Variants in LOC122539214 observed in about 807,000 individuals in gnomAD.
the LOC122539214 span, among the ~76,000 whole-genome samples, chr19:52,673,900 C>T: frequency 2.7e-5 from 4 of 149,242 alleles, no homozygotes; most frequent in Non-Finnish European, 3.0e-5. Context: ...CCTGTAATCC[C>T]AGCTACTAGG....
the LOC122539214 span, among the ~76,000 whole-genome samples, chr19:52,669,730 T>G: frequency 6.6e-6 from 1 of 152,168 alleles, no homozygotes; most frequent in East Asian, 1.9e-4. Context: ...GTAGCCTCAA[T>G]TCTTACTTCC....
the LOC122539214 span, among the ~76,000 whole-genome samples, chr19:52,659,522 C>T: frequency 6.7e-6 from 1 of 150,058 alleles, no homozygotes; most frequent in Admixed American, 6.7e-5. Flanking sequence ...ATGTTTTATT[C>T]ATATGTGGTT....
chr19:52,670,145 T>G, the LOC122539214 span, among the ~76,000 whole-genome samples: 2 of 152,054 alleles, frequency 1.3e-5, no homozygotes, highest in South Asian at 4.2e-4. Flanking sequence ...TCTGATCACC[T>G]GCTCCACCCT....
chr19:52,652,093 T>C, the LOC122539214 span: 1 of 241,200 alleles, frequency 4.1e-6, no homozygotes, highest in Non-Finnish European at 8.2e-6. Context: ...ATTTGTAAGA[T>C]TTCTGTCCAG....
the LOC122539214 span, among the ~76,000 whole-genome samples, chr19:52,690,058 G>A: frequency 1.3e-5 from 2 of 152,170 alleles, no homozygotes; most frequent in Non-Finnish European, 2.9e-5. Context: ...CCGGGACAGG[G>A]GCCGCGGCGC....
At chr19:52,684,420 AC>A in the LOC122539214 span, among the ~76,000 whole-genome samples, 1 of 151,668 alleles carries the variant, frequency 6.6e-6, no homozygotes, top group South Asian at 2.1e-4. Flanking sequence ...GTGGTGGCAC[AC>A]CCCTATAATC....
the LOC122539214 span, among the ~76,000 whole-genome samples, chr19:52,681,890 C>T: frequency 2.0e-5 from 3 of 152,190 alleles, no homozygotes; most frequent in Non-Finnish European, 2.9e-5. Flanking sequence ...CTCTGTCAAC[C>T]AGCCTGAAGT....
the LOC122539214 span, among the ~76,000 whole-genome samples, chr19:52,690,148 G>A: frequency 1.3e-5 from 2 of 149,542 alleles, no homozygotes; most frequent in Admixed American, 1.3e-4. Context: ...ACGTTAAAAA[G>A]CGCGGGGCGG....
At chr19:52,674,184 G>A in the LOC122539214 span, 29 of 152,120 alleles carry the variant, frequency 1.9e-4, no homozygotes, top group Admixed American at 5.2e-4. Flanking sequence ...AAGATCACCT[G>A]TTTCCTGTGA....
chr19:52,689,686 T>C, the LOC122539214 span, among the ~76,000 whole-genome samples: 1 of 152,132 alleles, frequency 6.6e-6, no homozygotes, highest in Non-Finnish European at 1.5e-5. Flanking sequence ...ACCCATCCTC[T>C]ACTTTGCCAT....
the LOC122539214 span, among the ~76,000 whole-genome samples, chr19:52,689,386 T>C: frequency 2.0e-5 from 3 of 150,774 alleles, no homozygotes; most frequent in Non-Finnish European, 4.5e-5. Context: ...TTCCCTGTTA[T>C]ACCCTCATCC....
At chr19:52,665,280 G>A in the LOC122539214 span, among the ~76,000 whole-genome samples, 1 of 152,108 alleles carries the variant, frequency 6.6e-6, no homozygotes, top group Non-Finnish European at 1.5e-5. Flanking sequence ...TGTGGGTGGG[G>A]TGGTGGGAGC....
chr19:52,660,492 C>G, the LOC122539214 span, among the ~76,000 whole-genome samples: 2 of 147,710 alleles, frequency 1.4e-5, no homozygotes, highest in Non-Finnish European at 2.9e-5. Context: ...GTGGTGGACA[C>G]CTATAATCAC....
chr19:52,679,544 G>A, the LOC122539214 span, among the ~76,000 whole-genome samples: 1 of 152,192 alleles, frequency 6.6e-6, no homozygotes, highest in Admixed American at 6.5e-5. Context: ...CCAGAAGGTG[G>A]AGGTTGCAAT....
At chr19:52,687,634 T>TATATATATATATATATATA in the LOC122539214 span, among the ~76,000 whole-genome samples, 1 of 9,014 alleles carries the variant, frequency 1.1e-4, no homozygotes, top group East Asian at 1.5e-3. Flanking sequence ...ATATATAATG[T>TATATATATATATATATATA]ATATATATAT....
At chr19:52,687,569 A>G in the LOC122539214 span, among the ~76,000 whole-genome samples, 2 of 59,408 alleles carry the variant, frequency 3.4e-5, no homozygotes, top group African/African-American at 1.3e-4. Context: ...TTTTATATAT[A>G]TATAAATTTT....
chr19:52,656,661 A>T, the LOC122539214 span, among the ~76,000 whole-genome samples: 1 of 152,124 alleles, frequency 6.6e-6, no homozygotes, highest in African/African-American at 2.4e-5. Context: ...AAGTCAAGAG[A>T]TTAAGACAAG....
At chr19:52,676,415 G>C in the LOC122539214 span, among the ~76,000 whole-genome samples, 4 of 152,196 alleles carry the variant, frequency 2.6e-5, no homozygotes, top group Non-Finnish European at 5.9e-5. Flanking sequence ...CGTCTGGGAA[G>C]TGAGGAGCGT....
At chr19:52,653,393 A>T in the LOC122539214 span, 1 of 961,708 alleles carries the variant, frequency 1.0e-6, no homozygotes, top group South Asian at 1.3e-5. Flanking sequence ...CATTCATTAC[A>T]TGTGTAAGGT....
Sources: allele counts gnomAD v4.1 joint callset (sites outside exome capture counted in the v4.1 genomes callset), GRCh38; gene constraint gnomAD v4.1.1; transcripts MANE v1.5.